Variants in PBX3 observed in about 807,000 individuals in gnomAD.
The protein encoded by PBX3 is pre-B-cell leukemia transcription factor 3.
Under a neutral mutation model 48.5 loss-of-function variants are expected in PBX3, and 14 were observed. The ratio of observed to expected loss-of-function variants is 0.29; its 90% CI spans 0.19 to 0.45. PBX3 has a LOEUF of 0.45. Among genes scored for constraint, PBX3 ranks in the 20% least tolerant of loss-of-function variants. The pLI, the probability that PBX3 is intolerant of heterozygous loss-of-function variation, is 1.00. For synonymous variants in PBX3, 210 were observed against 200.3 expected, an observed-to-expected ratio of 1.05 and a Z score of -0.41; for missense variants, 386 against 546.7, an observed-to-expected ratio of 0.71 and a Z score of 2.93.
intron 2 of PBX3, among the ~76,000 whole-genome samples, chr9:125,799,751 A>G (rs1273146294): frequency 1.3e-5 from 2 of 152,200 alleles, no homozygotes; most frequent in African/African-American, 4.8e-5. Flanking sequence ...TTTAAAGAAT[A>G]AGATAAAAAT....
chr9:125,823,077 A>C (rs1401880443), intron 2 of PBX3, among the ~76,000 whole-genome samples: 1 of 151,698 alleles, frequency 6.6e-6, no homozygotes, highest in Admixed American at 6.6e-5. Flanking sequence ...TTTAGCAAGT[A>C]TGCCTCTTGT....
intron 2 of PBX3, among the ~76,000 whole-genome samples, chr9:125,898,753 G>A (rs937249074): frequency 1.3e-5 from 2 of 151,780 alleles, no homozygotes; most frequent in East Asian, 3.9e-4. Flanking sequence ...GTAGCAGATT[G>A]ATTTAGTACA....
At chr9:125,903,897 G>T (rs140746928) in intron 2 of PBX3, among the ~76,000 whole-genome samples, 1 of 151,898 alleles carries the variant, frequency 6.6e-6, no homozygotes, top group African/African-American at 2.4e-5. Context: ...TCACCTTCCA[G>T]CTGTGTGACT....
intron 2 of PBX3, among the ~76,000 whole-genome samples, chr9:125,766,909 T>C (rs559856152): frequency 1.6e-5 from 2 of 126,200 alleles, no homozygotes; most frequent in East Asian, 4.8e-4. Context: ...TAATTTTAAA[T>C]TTAGCATGAT....
intron 3 of PBX3, among the ~76,000 whole-genome samples, chr9:125,927,606 G>C (rs574743945): frequency 6.6e-6 from 1 of 152,192 alleles, no homozygotes; most frequent in Non-Finnish European, 1.5e-5. Context: ...GCAGTAAGAT[G>C]CAGAATTTCC....
intron 4 of PBX3, among the ~76,000 whole-genome samples, chr9:125,934,188 T>G (rs1250042200): frequency 6.6e-6 from 1 of 152,190 alleles, no homozygotes; most frequent in South Asian, 2.1e-4. Context: ...TGAGTTGTTT[T>G]GATCAGACCT....
chr9:125,877,046 A>G (rs1840270915), intron 2 of PBX3, among the ~76,000 whole-genome samples: 1 of 152,108 alleles, frequency 6.6e-6, no homozygotes, highest in African/African-American at 2.4e-5. Context: ...TGTTGGGATT[A>G]CAGGCGTGAG....
intron 2 of PBX3, among the ~76,000 whole-genome samples, chr9:125,824,723 T>TA (rs61061456): frequency 1.3e-5 from 2 of 151,112 alleles, no homozygotes; most frequent in African/African-American, 2.5e-5. Flanking sequence ...TTTTTTTTTT[T>TA]AAATACTCAT....
chr9:125,859,660 A>G (rs1435580614), intron 2 of PBX3, among the ~76,000 whole-genome samples: 1 of 152,224 alleles, frequency 6.6e-6, no homozygotes, highest in African/African-American at 2.4e-5. Flanking sequence ...CACATGATCC[A>G]TGCTCTGTGG....
chr9:125,849,183 A>G (rs374840637), intron 2 of PBX3, among the ~76,000 whole-genome samples: 6 of 152,066 alleles, frequency 3.9e-5, no homozygotes, highest in East Asian at 3.9e-4. Flanking sequence ...GGCTTTTTCT[A>G]TAAGCATTGT....
At chr9:125,953,056 A>G (rs933552811) in intron 5 of PBX3, among the ~76,000 whole-genome samples, 1 of 152,092 alleles carries the variant, frequency 6.6e-6, no homozygotes, top group African/African-American at 2.4e-5. Context: ...TTTATAGTCT[A>G]TAATGAATAT....
intron 2 of PBX3, among the ~76,000 whole-genome samples, chr9:125,858,236 A>G (rs989378552): frequency 6.6e-6 from 1 of 152,146 alleles, no homozygotes; most frequent in South Asian, 2.1e-4. Context: ...GTAGTGTTGC[A>G]TGCTTGTAGT....
chr9:125,898,050 C>T (rs144223668), intron 2 of PBX3, among the ~76,000 whole-genome samples: 1 of 151,736 alleles, frequency 6.6e-6, no homozygotes, highest in Non-Finnish European at 1.5e-5. Context: ...AGCCTCAAGT[C>T]AACAGTAAAT....
intron 2 of PBX3, among the ~76,000 whole-genome samples, chr9:125,768,212 G>A (rs1836851404): frequency 6.6e-6 from 1 of 152,232 alleles, no homozygotes; most frequent in Non-Finnish European, 1.5e-5. Context: ...CTATGTGATA[G>A]AATTCTTTTA....
intron 8 of PBX3, 81 bp downstream of exon 8, chr9:125,963,182 C>G: frequency 2.9e-6 from 2 of 701,634 alleles, no homozygotes; most frequent in South Asian, 2.4e-5. Context: ...GCCATTTGAC[C>G]TGGCTTCTCA....
At chr9:125,867,414 G>A (rs146424363) in intron 2 of PBX3, among the ~76,000 whole-genome samples, 13 of 152,102 alleles carry the variant, frequency 8.5e-5, no homozygotes, top group African/African-American at 3.1e-4. Flanking sequence ...GGCCAAGGCG[G>A]GTGGATCATG....
At chr9:125,804,547 C>G (rs180730135) in intron 2 of PBX3, among the ~76,000 whole-genome samples, 2 of 152,128 alleles carry the variant, frequency 1.3e-5, no homozygotes, top group Non-Finnish European at 2.9e-5. Flanking sequence ...TCCTTCTGTC[C>G]CATCTCTGCT....
At chr9:125,923,960 G>T (rs1841513129) in intron 3 of PBX3, among the ~76,000 whole-genome samples, 1 of 152,024 alleles carries the variant, frequency 6.6e-6, no homozygotes, top group South Asian at 2.1e-4. Flanking sequence ...GATCTTCTGG[G>T]CTCAAGTGAT....
chr9:125,817,001 G>A lies in PBX3; in HGVS notation c.274+68378G>A, dbSNP rs577263120. On this transcript the variant is annotated intron_variant, in intron 2 of 8. Transcript: ENST00000373489. ...CTGCAGTTAATGTATCTGTGCATGCGTAGCTGATCTTCACCTTGTTAAAAG... is the reference window on the plus strand; with the variant it reads ...CTGCAGTTAATGTATCTGTGCATGCATAGCTGATCTTCACCTTGTTAAAAG... Among the ~76,000 whole-genome samples, 42 of 152,202 alleles carry A rather than the reference G, an allele frequency of 2.8e-4. 1 individual carries two copies. The highest frequency in any genetic ancestry group is 1.9e-4 in the East Asian group (1 of 5,182).
Sources: gnomAD v4.1 joint callset for allele counts (sites outside exome capture counted in the v4.1 genomes callset) on GRCh38, gnomAD v4.1.1 for gene constraint, MANE v1.5 for transcripts, NCBI Gene and HGNC (gene_info 2026-07-23, HGNC 2026-07-21) for gene names.